SCN9A: variants seen among roughly 807,000 people sequenced by gnomAD.
SCN9A encodes sodium channel protein type 9 subunit alpha.
Under a neutral mutation model 187.0 loss-of-function variants are expected in SCN9A, and 131 were observed. That is an observed-to-expected ratio of 0.70 (90% confidence interval 0.61 to 0.81). SCN9A has a LOEUF of 0.81. SCN9A is among the 30% of genes least tolerant of loss of function. The pLI is 0.00. For missense variants in SCN9A, 2,252 were observed against 2,396.6 expected (o/e 0.94, Z 1.26); for synonymous variants, 809 against 808.6 (o/e 1.00, Z -0.01).
chr2:166,346,527 G>A (rs1342356503), intron 1 of SCN9A, among the ~76,000 whole-genome samples: 1 of 152,042 alleles, frequency 6.6e-6, no homozygotes, highest in East Asian at 1.9e-4. Context: ...GGCCTCTAGG[G>A]GCATTTCTCC....
chr2:166,217,457 C>T (rs1267814977), intron 24 of SCN9A, among the ~76,000 whole-genome samples: 1 of 151,994 alleles, frequency 6.6e-6, no homozygotes, highest in African/African-American at 2.4e-5. Flanking sequence ...GCAAACCATA[C>T]ATCTGATAAA....
rs765115406 is a variant in SCN9A at position 166,277,021 on chromosome 2, T to C, written c.2836A>G (p.Ile946Val). The change falls in exon 16 of 27, where the codon ATT becomes GTT. Residue 946 changes from isoleucine to valine, a missense_variant. Ile to Val is a conservative substitution (Grantham distance 29). Around this residue, in one of 7 missense-constraint regions of SCN9A, gnomAD observed 119 missense variants for 188.7 expected, o/e 0.63. Transcript: ENST00000642356. ...MEVAGQAMCL[I>V]VYMMVMVIGN... ...ATGACCATGACCATCATGTAAACAA[T>C]AAGGCACATAGCTTGACCAGCGACC... 26 of 1,613,842 alleles carry C rather than the reference T, an allele frequency of 1.6e-5. 1 individual carries two copies. The South Asian group carries it at 2.6e-4, about 16-fold the overall frequency.
rs562842487 is a variant in SCN9A, at chr2:166,227,573, G to A, written c.4260+97C>T. ...TGGATGTTCTTCATTGTCTATGTGA[G>A]TCCCAAGGGCTTCATGAAGTTATAG... is the stretch of plus-strand genomic sequence containing the variant. On this transcript the variant is annotated intron_variant, in intron 23 of 26. Coordinates refer to ENST00000642356, the MANE Select transcript of SCN9A (RefSeq NM_001365536.1). 1.3e-4 allele frequency: 98 copies of A among 757,226 alleles called. No individual in the cohort carries two copies. The African/African-American group carries it at 1.6e-3, about 12-fold the overall frequency. The allele number at this position is 757,226 out of a possible 1,614,324, so 46.9% of individuals were successfully genotyped here.
Position 166,198,654 on chromosome 2 carries a change from T to G in SCN9A, c.*18A>C. On this transcript the variant is annotated 3_prime_UTR_variant, in exon 27 of 27. Coordinates refer to ENST00000642356, the MANE Select transcript of SCN9A (RefSeq NM_001365536.1). ...AATCACTTTCACAGGCTGTAAACAA[T>G]ATATCAAAAATGAAGCTCTATTTTT... 1 of 1,529,094 alleles carries G rather than the reference T, an allele frequency of 6.5e-7. No individual in the cohort carries two copies. Among genetic ancestry groups the G allele is most frequent in the Non-Finnish European group, 8.9e-7 (1 of 1,124,244 alleles). The allele number at this position is 1,529,094 out of a possible 1,614,324, so 94.7% of individuals were successfully genotyped here. A position where few individuals can be genotyped will look rare whatever the true frequency, so the allele number is the denominator to read the frequency against.
At chr2:166,288,175 A>ACACG (rs1319569006) in intron 10 of SCN9A, among the ~76,000 whole-genome samples, 33 of 148,794 alleles carry the variant, frequency 2.2e-4, no homozygotes, top group African/African-American at 7.2e-4. Flanking sequence ...ACACACACAC[A>ACACG]CTAAGTCATT....
chr2:166,199,624 T>C lies in SCN9A; in HGVS notation c.5015A>G (p.Glu1672Gly), dbSNP rs200042812. Residue 1672 changes from glutamate (E) to glycine (G), a missense_variant, in exon 27 of 27, where the codon GAA becomes GGA. Coordinates refer to ENST00000642356, the MANE Select transcript of SCN9A (RefSeq NM_001365536.1). The part of the protein sequence containing the change: ...GMSNFAYVKK[E>G]DGINDMFNFE... ...ATTGAACATGTCATTAATTCCATCT[T>C]CCTTTTTAACATAGGCAAAGTTGGA... is the stretch of plus-strand genomic sequence containing the variant. The C allele has an allele frequency of 4.4e-5, 71 of 1,614,160 alleles. No homozygotes were observed. Among genetic ancestry groups the C allele is most frequent in the Non-Finnish European group, 6.0e-5 (71 of 1,180,026 alleles).
chr2:166,226,738 C>G, intron 23 of SCN9A, 34 bp from the exon 24 acceptor site: 1 of 1,465,410 alleles, frequency 6.8e-7, no homozygotes, highest in Non-Finnish European at 9.1e-7. Flanking sequence ...ATTATATGGA[C>G]AGTAACATTC....
rs201826787 is a variant in SCN9A at position 166,195,408 on chromosome 2, A to G, written c.*3264T>C. ...TGATTGTTTTCCTCAAGAAGATAATAACATAATAAACCACAGATATTTTTA... is the reference window on the plus strand; with the variant it reads ...TGATTGTTTTCCTCAAGAAGATAATGACATAATAAACCACAGATATTTTTA... On this transcript the variant is annotated 3_prime_UTR_variant, in exon 27 of 27. Coordinates refer to ENST00000642356, the MANE Select transcript of SCN9A (RefSeq NM_001365536.1). 2.0e-5 allele frequency: 3 copies of G among 152,200 alleles called. No individual in the cohort carries two copies. The highest frequency in any genetic ancestry group is 4.8e-5 in the African/African-American group (2 of 41,456). 9.4% of individuals were successfully genotyped at this position (152,200 alleles called of 1,614,324 possible).
At chr2:166,347,289 C>T (rs1200755273) in intron 1 of SCN9A, among the ~76,000 whole-genome samples, 1 of 152,102 alleles carries the variant, frequency 6.6e-6, no homozygotes, top group African/African-American at 2.4e-5. Flanking sequence ...ACACCTACAA[C>T]TTCTGGCAAA....
chr2:166,368,045 G>A (rs1056728092), intron 1 of SCN9A, among the ~76,000 whole-genome samples: 2 of 152,174 alleles, frequency 1.3e-5, no homozygotes, highest in Non-Finnish European at 2.9e-5. Flanking sequence ...ATATCTGTGT[G>A]GGGTATGTGC....
At chr2:166,369,472 T>A (rs1700497846) in intron 1 of SCN9A, among the ~76,000 whole-genome samples, 1 of 152,220 alleles carries the variant, frequency 6.6e-6, no homozygotes, top group Non-Finnish European at 1.5e-5. Flanking sequence ...CATGGGATTA[T>A]AAGAACCTTA....
At chr2:166,319,508 G>A (rs554376047) in intron 1 of SCN9A, among the ~76,000 whole-genome samples, 2 of 152,222 alleles carry the variant, frequency 1.3e-5, no homozygotes, top group Admixed American at 1.3e-4. Context: ...ACAACTGGTA[G>A]AATTGAAGCA....
intron 14 of SCN9A, among the ~76,000 whole-genome samples, 162 bp downstream of exon 14, chr2:166,280,195 G>T (rs1412863545): frequency 6.6e-6 from 1 of 152,064 alleles, no homozygotes; most frequent in Non-Finnish European, 1.5e-5. Context: ...TATTTTAAAA[G>T]ACATAACCAG....
chr2:166,340,541 C>CCTTT (rs201511761), intron 1 of SCN9A, among the ~76,000 whole-genome samples: 5,594 of 66,830 alleles, frequency 0.084, 168 homozygotes, highest in East Asian at 0.13. Context: ...CTTTTCTTTC[C>CCTTT]CTTTCTTTCT....
At chr2:166,301,526 A>G (rs1698555405) in intron 7 of SCN9A, 1 of 150,864 alleles carries the variant, frequency 6.6e-6, no homozygotes, top group Admixed American at 6.6e-5. Context: ...TCAGCAATAA[A>G]TACTATTTCA....
chr2:166,224,526 A>T (rs1380908323), intron 24 of SCN9A, among the ~76,000 whole-genome samples: 1 of 152,170 alleles, frequency 6.6e-6, no homozygotes, highest in Non-Finnish European at 1.5e-5. Flanking sequence ...CTCTTTTTGT[A>T]TAGGTGGTAC....
At position 166,369,498 on chromosome 2, in the gene SCN9A, T is replaced by C. The variant is rs183353183; in HGVS notation, c.-51+6199A>G. ...AAGAACCTTATTCCCAGTTGATCCCTGAGTAGGCCACTTCCCTTTTTCCTA... is the reference window on the plus strand; with the variant it reads ...AAGAACCTTATTCCCAGTTGATCCCCGAGTAGGCCACTTCCCTTTTTCCTA... On this transcript the variant is annotated intron_variant, in intron 1 of 26. Coordinates refer to ENST00000642356, the MANE Select transcript of SCN9A (RefSeq NM_001365536.1). Among the ~76,000 whole-genome samples the C allele has an allele frequency of 2.9e-3, 447 of 152,330 alleles. 2 individuals carry two copies. The highest frequency in any genetic ancestry group is 9.9e-3 in the African/African-American group (412 of 41,590).
At chr2:166,226,158 T>C (rs1335414189) in intron 24 of SCN9A, among the ~76,000 whole-genome samples, 1 of 152,144 alleles carries the variant, frequency 6.6e-6, no homozygotes, top group Non-Finnish European at 1.5e-5. Flanking sequence ...AGGAACCATA[T>C]CTTACGTTGG....
intron 7 of SCN9A, chr2:166,302,140 T>G (rs1698580501): frequency 6.6e-6 from 1 of 150,928 alleles, no homozygotes; most frequent in Admixed American, 6.6e-5. Flanking sequence ...TTTGAAAGGT[T>G]TCGTGACTTC....
Sources: gnomAD v4.1 joint callset for allele counts (sites outside exome capture counted in the v4.1 genomes callset) on GRCh38, gnomAD v4.1.1 for gene constraint, gnomAD v4.1.1 regional missense constraint, MANE v1.5 for transcripts, NCBI Gene and HGNC (gene_info 2026-07-23, HGNC 2026-07-21) for gene names.